PAXIP1: variants seen among roughly 807,000 people sequenced by gnomAD.
PAXIP1 encodes PAX interacting protein 1.
Under a neutral mutation model 140.6 loss-of-function variants are expected in PAXIP1, and 19 were observed. The ratio of observed to expected loss-of-function variants is 0.14; its 90% CI spans 0.09 to 0.20. The LOEUF (loss-of-function observed/expected upper bound fraction) is 0.20. Ranked by LOEUF, PAXIP1 falls within the 10% of genes least tolerant of loss-of-function variation. The probability of loss-of-function intolerance (pLI) is 1.00; values close to 1 mark genes in which losing one functional copy is unlikely to be tolerated. For missense variants in PAXIP1, 920 were observed against 1,208.6 expected (o/e 0.76, Z 3.54); for synonymous variants, 442 against 444.6 (o/e 0.99, Z 0.07).
intron 17 of PAXIP1, 134 bp downstream of exon 17, chr7:154,947,769 A>T: frequency 1.4e-6 from 1 of 704,198 alleles, no homozygotes. Flanking sequence ...GAAGGAAGCC[A>T]AGAGGTAAAT....
chr7:154,992,547 A>G (rs1810388884), intron 3 of PAXIP1, among the ~76,000 whole-genome samples: 1 of 151,512 alleles, frequency 6.6e-6, no homozygotes, highest in Non-Finnish European at 1.5e-5. Flanking sequence ...GTGAGCCGAG[A>G]TCGTGCCACT....
intron 20 of PAXIP1, chr7:154,945,782 A>G (rs986010531): frequency 4.4e-5 from 43 of 984,856 alleles, no homozygotes; most frequent in Admixed American, 1.2e-4. Context: ...CATTAAAATA[A>G]TAATTCAGAG....
intron 1 of PAXIP1, among the ~76,000 whole-genome samples, chr7:154,999,839 C>T (rs1007691425): frequency 2.6e-5 from 4 of 152,054 alleles, no homozygotes; most frequent in African/African-American, 7.3e-5. Flanking sequence ...CAGCCATGAG[C>T]GTGAAGGTGG....
Position 154,946,446 on chromosome 7 carries a change from C to T in PAXIP1, c.3134-21G>A. ...AACATCTGAACAGGGTGGAAACAGA[C>T]ACTTTAGTTAGAGATCCACTGCTGT... On this transcript the variant is annotated intron_variant, in intron 19 of 20. Transcript: ENST00000404141. The surrounding 1 kb of genome is among the most constrained non-coding windows in gnomAD (Gnocchi z 4.9). The T allele has an allele frequency of 6.2e-7, 1 of 1,612,188 alleles. No individual in the cohort carries two copies. The highest frequency in any genetic ancestry group is 8.5e-7 in the Non-Finnish European group (1 of 1,178,220).
upstream of PAXIP1, chr7:155,003,373 G>A (rs13306866): frequency 6.6e-6 from 1 of 152,046 alleles, no homozygotes; most frequent in Non-Finnish European, 1.5e-5. Flanking sequence ...CGGTCCCGGG[G>A]AGGAGGGGAG....
intron 15 of PAXIP1, 42 bp downstream of exon 15, chr7:154,955,487 G>T: frequency 8.6e-7 from 1 of 1,156,834 alleles, no homozygotes; most frequent in Non-Finnish European, 1.3e-6. Flanking sequence ...TACAAAAAAG[G>T]ACACTGCTAA....
chr7:154,954,585 C>T lies in PAXIP1; in HGVS notation c.2653-162G>A, dbSNP rs553206906. Among the ~76,000 whole-genome samples, 15 of 152,236 alleles carry T rather than the reference C, an allele frequency of 9.9e-5. No individual in the cohort carries two copies. In the South Asian group the frequency reaches 3.1e-3, roughly 32 times the overall value. ...ACAGGTAAAACAAAACCTGTAACTACAAGAGAAAAATAAAAAAGAGAATTT... is the reference window on the plus strand; with the variant it reads ...ACAGGTAAAACAAAACCTGTAACTATAAGAGAAAAATAAAAAAGAGAATTT... On this transcript the variant is annotated intron_variant, in intron 15 of 20. Coordinates refer to ENST00000404141, the MANE Select transcript of PAXIP1 (RefSeq NM_007349.4). The surrounding 1 kb of genome is among the most constrained non-coding windows in gnomAD (Gnocchi z 5.1).
chr7:154,968,236 A>G (rs1245033656), intron 7 of PAXIP1, among the ~76,000 whole-genome samples, 167 bp downstream of exon 7: 2 of 152,254 alleles, frequency 1.3e-5, no homozygotes, highest in African/African-American at 4.8e-5. Flanking sequence ...AAAAGAAAGC[A>G]TAATTATCCC....
intron 6 of PAXIP1, among the ~76,000 whole-genome samples, 179 bp from the exon 7 acceptor site, chr7:154,969,305 G>A (rs1035385052): frequency 6.6e-6 from 1 of 152,116 alleles, no homozygotes; most frequent in Non-Finnish European, 1.5e-5. Flanking sequence ...ATTTTGTAAC[G>A]CCAATATCGT....
rs745923919 is a variant in PAXIP1 at position 154,976,176 on chromosome 7, C to CTCCTCT, written c.588_593dup (p.Glu199_Glu200dup). 15 of 1,603,626 alleles carry CTCCTCT rather than the reference C, an allele frequency of 9.4e-6. No homozygotes were observed. The highest frequency in any genetic ancestry group is 1.6e-4 in the Middle Eastern group (1 of 6,068). The stretch of plus-strand genomic sequence containing the variant: ...CTTGTTCCTCATTTTCTACTTCCTC[C>CTCCTCT]TCCTCTTCCTCTTCCTCTTCTTCCT... On this transcript the variant is annotated inframe_insertion, in exon 6 of 21. Transcript: ENST00000404141.
At chr7:154,996,793 G>A (rs972307924) in intron 2 of PAXIP1, among the ~76,000 whole-genome samples, 21 of 152,054 alleles carry the variant, frequency 1.4e-4, no homozygotes, top group Admixed American at 8.5e-4. Flanking sequence ...CTTACGTATC[G>A]ATTCATTTCT....
chr7:154,997,030 G>A (rs766066938), intron 2 of PAXIP1, among the ~76,000 whole-genome samples: 6 of 152,092 alleles, frequency 3.9e-5, no homozygotes, highest in Non-Finnish European at 7.4e-5. Flanking sequence ...TTGTAGGAAG[G>A]AGAAGGAAGA....
chr7:154,968,966 T>C lies in PAXIP1; in HGVS notation c.1235A>G (p.Gln412Arg). The change falls in exon 7 of 21, where the codon CAG becomes CGG. Residue 412 changes from glutamine (Q) to arginine (R), a missense_variant. By Grantham distance (43) the Gln-to-Arg change is conservative. Transcript: ENST00000404141. Reference protein sequence around the residue: ...QQQQQAQQQQQQHPVLHLQPQ... With the variant: ...QQQQQAQQQQRQHPVLHLQPQ... The stretch of plus-strand genomic sequence containing the variant: ...CTGAAGGTGTAAAACCGGGTGCTGC[T>C]GCTGCTGCTGCTGGGCCTGCTGCTG... 1 of 1,542,242 alleles carries C rather than the reference T, an allele frequency of 6.5e-7. No individual in the cohort carries two copies. Among genetic ancestry groups the C allele is most frequent in the Non-Finnish European group, 8.8e-7 (1 of 1,140,566 alleles).
rs769410050 is a variant in PAXIP1, at chr7:154,963,662, T to G, written c.1989+9A>C. The G allele has an allele frequency of 8.1e-6, 13 of 1,599,428 alleles. No individual in the cohort carries two copies. The African/African-American group carries it at 1.6e-4, about 20-fold the overall frequency. ...TGCTCCTGGTCGCAGCTAAGGCTAT[T>G]TTCCTTACCTGTGCATACGCGCTGC... On this transcript the variant is annotated intron_variant, in intron 9 of 20. Transcript: ENST00000404141. The surrounding 1 kb of genome is among the most constrained non-coding windows in gnomAD (Gnocchi z 4.1).
At chr7:155,000,347 G>A (rs955865213) in intron 1 of PAXIP1, 1 of 152,044 alleles carries the variant, frequency 6.6e-6, no homozygotes, top group Non-Finnish European at 1.5e-5. Context: ...GCATCCATTC[G>A]ACTGGTCTTC....
chr7:154,957,752 G>A (rs1297236703), intron 13 of PAXIP1, among the ~76,000 whole-genome samples: 2 of 151,848 alleles, frequency 1.3e-5, no homozygotes, highest in African/African-American at 4.8e-5. Flanking sequence ...TGGATCATGA[G>A]GTCAGGAGAT....
At chr7:154,964,471 G>A (rs1455941509) in intron 8 of PAXIP1, 1 of 152,180 alleles carries the variant, frequency 6.6e-6, no homozygotes, top group Non-Finnish European at 1.5e-5. Context: ...CTTTTAAGAT[G>A]TGAATGTTTA....
chr7:154,995,115 A>G (rs935234682), intron 2 of PAXIP1, among the ~76,000 whole-genome samples: 1 of 152,136 alleles, frequency 6.6e-6, no homozygotes, highest in African/African-American at 2.4e-5. Flanking sequence ...CAGTCCCTAA[A>G]ACCAGTCTTT....
chr7:154,968,901 G>T lies in PAXIP1; in HGVS notation c.1300C>A (p.Gln434Lys). 2.3e-6 allele frequency: 2 copies of T among 862,038 alleles called. No homozygotes were observed. The highest frequency in any genetic ancestry group is 3.5e-6 in the Non-Finnish European group (2 of 563,516). The allele number at this position is 862,038 out of a possible 1,614,324, so 53.4% of individuals were successfully genotyped here. The change falls in exon 7 of 21, where the codon CAG becomes AAG. Residue 434 changes from glutamine to lysine, a missense_variant. Gln to Lys is a moderately conservative substitution (Grantham distance 53). Around this residue, in one of 5 missense-constraint regions of PAXIP1, gnomAD observed 133 missense variants for 88.4 expected, o/e 1.50. Transcript: ENST00000404141. ...IMQLQQQQQQ[Q>K]ISQQPYPQQP... ...TGGGGGTAAGGTTGCTGAGAGATCT[G>T]CTGCTGCTGCTGCTGCTGGAGCTGC...
Sources: gnomAD v4.1 joint callset for allele counts (sites outside exome capture counted in the v4.1 genomes callset) on GRCh38, gnomAD v4.1.1 for gene constraint, gnomAD v4.1.1 regional missense constraint, Gnocchi (gnomAD v3.1) non-coding constraint, MANE v1.5 for transcripts, NCBI Gene and HGNC (gene_info 2026-07-23, HGNC 2026-07-21) for gene names.